HSD17B4: variants seen among roughly 807,000 people sequenced by gnomAD.
The protein encoded by HSD17B4 is peroxisomal multifunctional enzyme type 2.
A neutral mutation model predicts 101.0 loss-of-function variants in HSD17B4; 70 were observed. That is an observed-to-expected ratio of 0.69 (90% CI 0.57 to 0.85). HSD17B4 has a LOEUF of 0.85. Ranked by LOEUF, HSD17B4 falls within the 40% of genes least tolerant of loss-of-function variation. HSD17B4 has a pLI of 0.00. For missense variants in HSD17B4, 984 were observed against 892.4 expected, an observed-to-expected ratio of 1.10 and a Z score of -1.31; for synonymous variants, 347 against 297.1, an observed-to-expected ratio of 1.17 and a Z score of -1.73.
At position 119,530,017 on chromosome 5, in the gene HSD17B4, A is replaced by G. The variant is rs748610159; in HGVS notation, c.1854+37A>G. Reference sequence around the variant, plus strand: ...AAATTAGTATCCAAGCCACTTCCTCATTTAGGAATTTCAGTTAAGGTGACT... The same window carrying G: ...AAATTAGTATCCAAGCCACTTCCTCGTTTAGGAATTTCAGTTAAGGTGACT... On this transcript the variant is annotated intron_variant, in intron 21 of 23. Transcript: ENST00000510025. 4.9e-6 allele frequency: 6 copies of G among 1,213,856 alleles called. No homozygotes were observed. The Admixed American group carries it at 1.0e-4, about 20-fold the overall frequency. 75.2% of individuals were successfully genotyped at this position (1,213,856 alleles called of 1,614,324 possible).
At chr5:119,455,568 C>CTG (rs35030315) in intron 1 of HSD17B4, among the ~76,000 whole-genome samples, 3 of 136,474 alleles carry the variant, frequency 2.2e-5, no homozygotes, top group African/African-American at 8.4e-5. Flanking sequence ...CTCTCTCTCT[C>CTG]TATATATATA....
chr5:119,517,669 A>T (rs1752752427), intron 17 of HSD17B4, among the ~76,000 whole-genome samples: 1 of 152,186 alleles, frequency 6.6e-6, no homozygotes, highest in Non-Finnish European at 1.5e-5. Flanking sequence ...ACCAGTCAGC[A>T]CCCTGTGTCT....
At chr5:119,504,216 A>G (rs1751449353) in intron 14 of HSD17B4, among the ~76,000 whole-genome samples, 1 of 152,032 alleles carries the variant, frequency 6.6e-6, no homozygotes, top group African/African-American at 2.4e-5. Flanking sequence ...TGTCTTTGCT[A>G]TTGTGAATAG....
At chr5:119,514,205 CT>C (rs141481797) in intron 16 of HSD17B4, among the ~76,000 whole-genome samples, 4,324 of 152,174 alleles carry the variant, frequency 0.028, 193 homozygotes, top group African/African-American at 0.096. Flanking sequence ...CCCTCATGAT[CT>C]TTTTTTATGT....
intron 7 of HSD17B4, among the ~76,000 whole-genome samples, chr5:119,478,525 C>T (rs986779630): frequency 1.1e-4 from 16 of 152,036 alleles, no homozygotes; most frequent in African/African-American, 3.1e-4. Context: ...TAGAACTGTT[C>T]GATTTAATAT....
chr5:119,495,591 T>C (rs1027020501), intron 11 of HSD17B4: 3 of 152,310 alleles, frequency 2.0e-5, no homozygotes, highest in African/African-American at 7.2e-5. Context: ...AGGGAGAAGA[T>C]TAATAGGCAA....
At chr5:119,472,916 G>A (rs1299045094) in intron 2 of HSD17B4, among the ~76,000 whole-genome samples, 1 of 152,156 alleles carries the variant, frequency 6.6e-6, no homozygotes, top group East Asian at 1.9e-4. Context: ...TTAACATAGT[G>A]TCTTCAGAGT....
At chr5:119,493,540 C>G (rs1233796471) in intron 10 of HSD17B4, 6 of 356,822 alleles carry the variant, frequency 1.7e-5, no homozygotes, top group Non-Finnish European at 2.7e-5. Context: ...TATAATTAAA[C>G]TTTTTCACAT....
At chr5:119,472,878 T>C (rs925647058) in intron 2 of HSD17B4, among the ~76,000 whole-genome samples, 1 of 152,258 alleles carries the variant, frequency 6.6e-6, no homozygotes, top group Admixed American at 6.5e-5. Flanking sequence ...ATGCCAGTAT[T>C]TGTCCTTTTG....
In HSD17B4 at chr5:119,499,536, T is replaced by C. The variant is rs576803491; in HGVS notation, c.1192T>C (p.Ser398Pro). ...AGGATTAGCAGAAATTCCTGGACTT[T>C]CAATCAACTTTGCAAAGGTATGCCT... ...GGGLAEIPGL[S>P]INFAKVLHGE... The change falls in exon 13 of 24, where the codon TCA becomes CCA. Residue 398 changes from serine to proline, a missense_variant. By Grantham distance (74) the Ser-to-Pro change is moderately conservative. Transcript: ENST00000510025. 6.7e-4 allele frequency: 1,084 copies of C among 1,610,172 alleles called. 22 individuals carry two copies. In the South Asian group the frequency reaches 0.011, roughly 17 times the overall value.
chr5:119,465,947 G>T (rs1014708023), intron 2 of HSD17B4, among the ~76,000 whole-genome samples: 1 of 152,188 alleles, frequency 6.6e-6, no homozygotes, highest in Admixed American at 6.5e-5. Flanking sequence ...TGAGTGTGAT[G>T]TTAGCTGCAG....
rs779675068 is a variant in HSD17B4, at chr5:119,493,893, A to C, written c.815A>C (p.Asn272Thr). Residue 272 changes from asparagine to threonine, a missense_variant, in exon 11 of 24, where the codon AAC becomes ACC. By Grantham distance (65) the Asn-to-Thr change is moderately conservative (BLOSUM62 0). Coordinates refer to ENST00000510025, the MANE Select transcript of HSD17B4 (RefSeq NM_000414.4). ...ATGACTCCTGAGGCAGTCAAGGCTA[A>C]CTGGAAGAAGATCTGTGACTTTGAG... ...HPMTPEAVKA[N>T]WKKICDFENA... 4.3e-6 allele frequency: 7 copies of C among 1,613,396 alleles called. No homozygotes were observed. In the Admixed American group the frequency reaches 1.2e-4, roughly 27 times the overall value.
chr5:119,477,423 T>C lies in HSD17B4; in HGVS notation c.356T>C (p.Ile119Thr). ...ARISDEDWDIIHRVHLRGSFQ... is the reference protein window; with the variant it reads ...ARISDEDWDITHRVHLRGSFQ... ...AAATAATTTATTGTTTTAGATATAA[T>C]CCACAGAGTTCATTTGCGGGGTTCA... The change falls in exon 7 of 24, where the codon ATC becomes ACC. Residue 119 changes from isoleucine (I) to threonine (T), a missense_variant. Transcript: ENST00000510025. 2 of 1,603,798 alleles carry C rather than the reference T, an allele frequency of 1.2e-6. No homozygotes were observed. The highest frequency in any genetic ancestry group is 1.7e-4 in the Middle Eastern group (1 of 6,040).
At chr5:119,467,051 T>C (rs1755884168) in intron 2 of HSD17B4, among the ~76,000 whole-genome samples, 2 of 152,236 alleles carry the variant, frequency 1.3e-5, no homozygotes, top group African/African-American at 4.8e-5. Context: ...TATTCAGGAA[T>C]ATGTTGTTTA....
chr5:119,466,678 CT>C (rs1461335669), intron 2 of HSD17B4, among the ~76,000 whole-genome samples: 12 of 151,842 alleles, frequency 7.9e-5, no homozygotes, highest in Non-Finnish European at 1.8e-4. Flanking sequence ...TGTGTTTTCT[CT>C]TTTTTTCTTA....
intron 14 of HSD17B4, among the ~76,000 whole-genome samples, chr5:119,503,106 G>GTA (rs2126793887): frequency 1.3e-5 from 2 of 151,888 alleles, no homozygotes; most frequent in African/African-American, 4.8e-5. Context: ...GTGTGTGTGT[G>GTA]TGTGTGTGTA....
At chr5:119,538,214 C>A (rs1754690897) in intron 23 of HSD17B4, among the ~76,000 whole-genome samples, 1 of 152,130 alleles carries the variant, frequency 6.6e-6, no homozygotes, top group Non-Finnish European at 1.5e-5. Flanking sequence ...ATTAATAAGC[C>A]CAGAAATGTA....
chr5:119,487,662 G>A (rs1029563904), intron 8 of HSD17B4, among the ~76,000 whole-genome samples: 4 of 151,860 alleles, frequency 2.6e-5, no homozygotes, highest in African/African-American at 4.8e-5. Flanking sequence ...TTTTTCTCAC[G>A]TAAGGTAATA....
chr5:119,527,848 A>G (rs1041017964), intron 20 of HSD17B4, among the ~76,000 whole-genome samples: 2 of 152,174 alleles, frequency 1.3e-5, no homozygotes, highest in African/African-American at 4.8e-5. Context: ...AACAAGTTAC[A>G]TCACAGAGTC....
Sources: allele counts gnomAD v4.1 joint callset (sites outside exome capture counted in the v4.1 genomes callset), GRCh38; gene constraint gnomAD v4.1.1; transcripts MANE v1.5; gene names NCBI Gene and HGNC (gene_info 2026-07-23, HGNC 2026-07-21).